Variants in VLDLR observed in about 807,000 individuals in gnomAD.
VLDLR encodes the protein very low-density lipoprotein receptor.
Under a neutral mutation model 112.7 loss-of-function variants are expected in VLDLR, and 81 were observed. The ratio of observed to expected loss-of-function variants is 0.72; its 90% CI spans 0.60 to 0.86. VLDLR has a LOEUF of 0.86. Among genes scored for constraint, VLDLR ranks in the 40% least tolerant of loss-of-function variants. The pLI, the probability that VLDLR is intolerant of heterozygous loss-of-function variation, is 0.00. For missense variants in VLDLR, 1,237 were observed against 1,099.4 expected (o/e 1.13, Z -1.77); for synonymous variants, 436 against 384.8 (o/e 1.13, Z -1.56).
chr9:2,648,512 C>G (rs1818169506), intron 13 of VLDLR, among the ~76,000 whole-genome samples, 157 bp from the exon 14 acceptor site: 1 of 152,202 alleles, frequency 6.6e-6, no homozygotes, highest in African/African-American at 2.4e-5. Flanking sequence ...AGAAGCACTC[C>G]ACACCTAAAC....
rs1817944098 is a variant in VLDLR at position 2,643,966 on chromosome 9, G to T, written c.1066+7G>T. ...GAGCCCCTGAAAGAGTGTCGTAAGTGTACTTGTTGTTCAAGTACAGATCCT... is the reference window on the plus strand; with the variant it reads ...GAGCCCCTGAAAGAGTGTCGTAAGTTTACTTGTTGTTCAAGTACAGATCCT... On this transcript the variant is annotated splice_region_variant and intron_variant, in intron 7 of 18. Transcript: ENST00000382100. The T allele has an allele frequency of 6.2e-7, 1 of 1,613,936 alleles. No homozygotes were observed. The highest frequency in any genetic ancestry group is 2.2e-5 in the East Asian group (1 of 44,846).
intron 9 of VLDLR, 66 bp downstream of exon 9, chr9:2,645,148 C>T: frequency 6.2e-7 from 1 of 1,607,772 alleles, no homozygotes; most frequent in Admixed American, 1.7e-5. Flanking sequence ...AAGGTACAGC[C>T]AGTGACTACA....
chr9:2,627,128 C>A (rs1259755174), intron 1 of VLDLR, among the ~76,000 whole-genome samples: 1 of 152,128 alleles, frequency 6.6e-6, no homozygotes. Context: ...AGCCAAAGAC[C>A]GCTTGGAATA....
At chr9:2,648,457 A>G (rs995441181) in intron 13 of VLDLR, 110 bp downstream of exon 13, 1 of 1,565,090 alleles carries the variant, frequency 6.4e-7, no homozygotes, top group Non-Finnish European at 8.8e-7. Context: ...TGGCTTGAGA[A>G]ACTGCTTTCA....
rs57791600 is a variant in VLDLR at position 2,636,839 on chromosome 9, A to T, written c.202+1267A>T. On this transcript the variant is annotated intron_variant, in intron 2 of 18. Coordinates refer to ENST00000382100, the MANE Select transcript of VLDLR (RefSeq NM_003383.5). ...AACTATTTTCCTGTTGTAAGTTGCA[A>T]TTTTTTTTCCTCTCTTCTAAACGAT... Among the ~76,000 whole-genome samples the T allele has an allele frequency of 6.0e-3, 918 of 152,086 alleles. 15 individuals carry two copies. The highest frequency in any genetic ancestry group is 0.024 in the Middle Eastern group (7 of 294).
At chr9:2,629,854 T>C (rs553808903) in intron 1 of VLDLR, among the ~76,000 whole-genome samples, 1 of 152,318 alleles carries the variant, frequency 6.6e-6, no homozygotes, top group African/African-American at 2.4e-5. Flanking sequence ...TGGAGTGCAA[T>C]GGCACTATCT....
intron 15 of VLDLR, among the ~76,000 whole-genome samples, chr9:2,651,200 C>T (rs1818312345): frequency 6.6e-6 from 1 of 152,118 alleles, no homozygotes; most frequent in Non-Finnish European, 1.5e-5. Flanking sequence ...TGTCAAATTC[C>T]AAACACCGAC....
chr9:2,636,656 A>G (rs1006422371), intron 2 of VLDLR, among the ~76,000 whole-genome samples: 1 of 152,240 alleles, frequency 6.6e-6, no homozygotes, highest in African/African-American at 2.4e-5. Flanking sequence ...TCTCAGGACC[A>G]AGAATAGTTC....
intron 4 of VLDLR, among the ~76,000 whole-genome samples, 177 bp downstream of exon 4, chr9:2,641,676 A>G (rs562946108): frequency 6.6e-6 from 1 of 152,306 alleles, no homozygotes; most frequent in East Asian, 1.9e-4. Context: ...AAAGACATTC[A>G]TGTGGCAATT....
intron 3 of VLDLR, 57 bp from the exon 4 acceptor site, chr9:2,641,320 C>T (rs1817812869): frequency 2.5e-6 from 4 of 1,612,286 alleles, no homozygotes; most frequent in Non-Finnish European, 3.4e-6. Context: ...AGCACAGGAG[C>T]AGCAGCTTTG....
At chr9:2,633,045 A>AGTGTGTGTGTGT (rs1441998492) in intron 1 of VLDLR, among the ~76,000 whole-genome samples, 6 of 113,700 alleles carry the variant, frequency 5.3e-5, no homozygotes, top group African/African-American at 2.4e-4. Context: ...AGAGAGAGAG[A>AGTGTGTGTGTGT]GAGAGAGTGT....
chr9:2,621,948 G>A lies in VLDLR; in HGVS notation c.-242G>A, dbSNP rs1208440915. 1.1e-5 allele frequency: 7 copies of A among 660,690 alleles called. No individual in the cohort carries two copies. The highest frequency in any genetic ancestry group is 1.9e-5 in the Non-Finnish European group (7 of 362,992). 40.9% of individuals were successfully genotyped at this position (660,690 alleles called of 1,614,324 possible). ...GCATTATTTTCTGCCCGCAGGCTCG[G>A]CTTGCACTGCTGCTGCAGCCCGGGG... is the stretch of plus-strand genomic sequence containing the variant. On this transcript the variant is annotated 5_prime_UTR_variant, in exon 1 of 19. Coordinates refer to ENST00000382100, the MANE Select transcript of VLDLR (RefSeq NM_003383.5).
intron 17 of VLDLR, 130 bp downstream of exon 17, chr9:2,652,084 C>A: frequency 1.2e-6 from 1 of 828,646 alleles, no homozygotes; most frequent in African/African-American, 1.7e-5. Context: ...GAATTACGTT[C>A]GCTTTCTCCC....
intron 10 of VLDLR, 50 bp downstream of exon 10, chr9:2,645,795 G>A (rs34622158): frequency 5.6e-6 from 9 of 1,608,822 alleles, no homozygotes; most frequent in Non-Finnish European, 7.7e-6. Flanking sequence ...ATTGTCACTT[G>A]GGAAGTGATC....
intron 1 of VLDLR, among the ~76,000 whole-genome samples, chr9:2,625,324 G>T (rs1817041778): frequency 6.6e-6 from 1 of 152,194 alleles, no homozygotes; most frequent in Non-Finnish European, 1.5e-5. Flanking sequence ...GTGGCTTCGG[G>T]TTTTGATCCC....
At chr9:2,652,739 A>G in intron 17 of VLDLR, 41 bp from the exon 18 acceptor site, 1 of 1,613,422 alleles carries the variant, frequency 6.2e-7, no homozygotes, top group Non-Finnish European at 8.5e-7. Flanking sequence ...ATGTTCCAAT[A>G]CTAGACTTAG....
At chr9:2,622,427 G>C (rs1399741292) in intron 1 of VLDLR, 156 bp downstream of exon 1, 1 of 638,520 alleles carries the variant, frequency 1.6e-6, no homozygotes, top group Non-Finnish European at 2.4e-6. Context: ...GCGCCTCTGA[G>C]CTGTCAGCGC....
At chr9:2,646,603 C>A in intron 11 of VLDLR, 51 bp downstream of exon 11, 2 of 1,539,656 alleles carry the variant, frequency 1.3e-6, no homozygotes, top group South Asian at 2.3e-5. Flanking sequence ...CTGTGTAGGT[C>A]AGGAGCTTTC....
At position 2,658,957 on chromosome 9, in the gene VLDLR, G is replaced by A. The variant is rs1045322413; in HGVS notation, c.*5089G>A. On this transcript the variant is annotated 3_prime_UTR_variant, in exon 19 of 19. Coordinates refer to ENST00000382100, the MANE Select transcript of VLDLR (RefSeq NM_003383.5). ...TTAAGAAGGCTTAAAAGACTGCATG[G>A]TTTAAACCCTAGAAACATAAATGGA... 2.6e-5 allele frequency: 4 copies of A among 152,118 alleles called. No individual in the cohort carries two copies. The highest frequency in any genetic ancestry group is 9.7e-5 in the African/African-American group (4 of 41,422). 9.4% of individuals were successfully genotyped at this position (152,118 alleles called of 1,614,324 possible).
Sources: gnomAD v4.1 joint callset for allele counts (sites outside exome capture counted in the v4.1 genomes callset) on GRCh38, gnomAD v4.1.1 for gene constraint, MANE v1.5 for transcripts, NCBI Gene and HGNC (gene_info 2026-07-23, HGNC 2026-07-21) for gene names.